Variants in SLC7A8 observed in about 807,000 individuals in gnomAD.
SLC7A8 encodes large neutral amino acids transporter small subunit 2.
In SLC7A8, 30 loss-of-function variants were observed where a neutral mutation model predicts 51.2. The ratio of observed to expected loss-of-function variants is 0.59; its 90% CI spans 0.44 to 0.80. The LOEUF (loss-of-function observed/expected upper bound fraction) is 0.80. Ranked by LOEUF, SLC7A8 falls within the 30% of genes least tolerant of loss-of-function variation. The pLI is 0.00. For missense variants in SLC7A8, 612 were observed against 674.4 expected, an observed-to-expected ratio of 0.91 and a Z score of 1.03; for synonymous variants, 257 against 275.8, an observed-to-expected ratio of 0.93 and a Z score of 0.67.
chr14:23,138,541 G>A, intron 6 of SLC7A8, among the ~76,000 whole-genome samples: 1 of 151,922 alleles, frequency 6.6e-6, no homozygotes, highest in South Asian at 2.1e-4. Flanking sequence ...GTCTCCAACT[G>A]CAAAATAGGG....
At chr14:23,133,432 A>C (rs2048658733) in intron 7 of SLC7A8, among the ~76,000 whole-genome samples, 1 of 134,258 alleles carries the variant, frequency 7.4e-6, no homozygotes, top group African/African-American at 2.8e-5. Flanking sequence ...CAGAGCAAGA[A>C]CCTGTCTCAA....
At chr14:23,140,124 T>A (rs1306073490) in intron 5 of SLC7A8, among the ~76,000 whole-genome samples, 1 of 152,204 alleles carries the variant, frequency 6.6e-6, no homozygotes, top group Non-Finnish European at 1.5e-5. Context: ...AATGCACCTT[T>A]TCCCCCTGCC....
intron 3 of SLC7A8, among the ~76,000 whole-genome samples, chr14:23,148,999 A>G (rs1052944596): frequency 6.6e-6 from 1 of 152,192 alleles, no homozygotes; most frequent in African/African-American, 2.4e-5. Flanking sequence ...CAGGCAACAC[A>G]CACCAGGAGC....
rs530521451 is a variant in SLC7A8, at chr14:23,128,450, A to G, written c.1264-254T>C. ...AGGGAGGAAACGATCCTCCTTGCCC[A>G]TGTCCTCGCTCTTGGGTGTGGTTAG... On this transcript the variant is annotated intron_variant, in intron 9 of 10. Coordinates refer to ENST00000316902, the MANE Select transcript of SLC7A8 (RefSeq NM_012244.4). This position sits in a 1 kb window ranked among gnomAD's most constrained non-coding sequence, Gnocchi z 4.3. The G allele has an allele frequency of 2.1e-4, 263 of 1,279,894 alleles. 6 individuals are homozygous for G. The South Asian group carries it at 3.0e-3, about 15-fold the overall frequency. The allele number at this position is 1,279,894 out of a possible 1,614,324, so 79.3% of individuals were successfully genotyped here.
rs2140345511 is a variant in SLC7A8 at position 23,183,051 on chromosome 14, A to T, written c.-137T>A. On this transcript the variant is annotated 5_prime_UTR_variant, in exon 1 of 11. In the 5' UTR this introduces an upstream ATG that the reference lacks. Transcript: ENST00000316902. ...CCACTGCTACTCTCTAAAAAAGGCA[A>T]GCAGATAAAAGAGAACACGAAAAAT... 1 of 1,004,440 alleles carries T rather than the reference A, an allele frequency of 1.0e-6. No individual in the cohort carries two copies. The highest frequency in any genetic ancestry group is 1.4e-6 in the Non-Finnish European group (1 of 695,114). The allele number at this position is 1,004,440 out of a possible 1,614,324, so 62.2% of individuals were successfully genotyped here. A position where few individuals can be genotyped will look rare whatever the true frequency, so the allele number is the denominator to read the frequency against.
chr14:23,151,338 G>A (rs919304247), intron 3 of SLC7A8, among the ~76,000 whole-genome samples: 1 of 152,208 alleles, frequency 6.6e-6, no homozygotes, highest in Non-Finnish European at 1.5e-5. Flanking sequence ...GCTCTAGGGA[G>A]TAAATATCAG....
At chr14:23,130,667 G>A (rs1200907869) in intron 8 of SLC7A8, among the ~76,000 whole-genome samples, 1 of 152,198 alleles carries the variant, frequency 6.6e-6, no homozygotes, top group Non-Finnish European at 1.5e-5. Flanking sequence ...CAACCAACCA[G>A]TCAAGGTGAC....
intron 3 of SLC7A8, 134 bp from the exon 4 acceptor site, chr14:23,143,338 A>G: frequency 8.1e-7 from 1 of 1,232,580 alleles, no homozygotes; most frequent in South Asian, 1.4e-5. Flanking sequence ...CAGCAAGCTC[A>G]ACCCCAGGGA....
At chr14:23,141,869 T>G (rs969960856) in intron 4 of SLC7A8, among the ~76,000 whole-genome samples, 8 of 152,216 alleles carry the variant, frequency 5.3e-5, no homozygotes, top group Non-Finnish European at 1.0e-4. Context: ...TGGAATCATC[T>G]GCTGACTGGC....
Position 23,145,538 on chromosome 14 carries a change from AAAAAAAAATT to A in SLC7A8, c.509-2344_509-2335del, listed in dbSNP as rs1344942265. On this transcript the variant is annotated intron_variant, in intron 3 of 10. Coordinates refer to ENST00000316902, the MANE Select transcript of SLC7A8 (RefSeq NM_012244.4). ...CTAGACCACATCTCAAAAAAAAAAG[AAAAAAAAATT>A]TTTTTTTTTTTAAGACACCAAGGGC... is the stretch of plus-strand genomic sequence containing the variant. 1.1e-3 allele frequency among the ~76,000 whole-genome samples: 9 copies of A among 7,866 alleles called. 1 individual carries two copies. The highest frequency in any genetic ancestry group is 1.1e-3 in the Non-Finnish European group (4 of 3,662). The allele number at this position is 7,866 out of a possible 152,430, so 5.2% of individuals were successfully genotyped here.
chr14:23,176,366 G>A (rs1407860105), intron 1 of SLC7A8, among the ~76,000 whole-genome samples: 1 of 152,018 alleles, frequency 6.6e-6, no homozygotes, highest in Non-Finnish European at 1.5e-5. Context: ...GGTCTTTCTG[G>A]ACTCCAGTCT....
intron 7 of SLC7A8, among the ~76,000 whole-genome samples, chr14:23,135,658 C>T (rs529958514): frequency 7.4e-4 from 112 of 151,522 alleles, no homozygotes; most frequent in African/African-American, 2.6e-3. Flanking sequence ...GCCAAGATTG[C>T]GCCACTGCAC....
chr14:23,168,843 C>T (rs2048962625), intron 1 of SLC7A8, among the ~76,000 whole-genome samples: 1 of 152,150 alleles, frequency 6.6e-6, no homozygotes, highest in Non-Finnish European at 1.5e-5. Flanking sequence ...TTCCCTTGTT[C>T]TAGGCCACAG....
Position 23,139,457 on chromosome 14 carries a change from G to A in SLC7A8, c.879C>T (p.Pro293=). The A allele has an allele frequency of 1.2e-6, 2 of 1,614,100 alleles. No individual in the cohort carries two copies. Among genetic ancestry groups the A allele is most frequent in the Non-Finnish European group, 1.7e-6 (2 of 1,179,990 alleles). Residue 293 remains proline (P), a synonymous_variant, in exon 6 of 11, where the codon CCC becomes CCT. Transcript: ENST00000316902. ...CGGCGTTGGATGCCAGCAGCTCCTG[G>A]GGGGACATTGCAGTGACATAAGCGA... ...ANVAYVTAMS[P]QELLASNAVA...
intron 7 of SLC7A8, among the ~76,000 whole-genome samples, chr14:23,136,696 C>T (rs940804038): frequency 1.3e-5 from 2 of 152,188 alleles, no homozygotes; most frequent in Admixed American, 6.5e-5. Flanking sequence ...CATGCACACA[C>T]GACTAGACCA....
At chr14:23,156,003 C>CTTT (rs556425559) in intron 3 of SLC7A8, among the ~76,000 whole-genome samples, 67 of 145,448 alleles carry the variant, frequency 4.6e-4, no homozygotes, top group African/African-American at 1.6e-3. Context: ...CTTTTCTTTT[C>CTTT]TTTTTTTTTT....
intron 3 of SLC7A8, among the ~76,000 whole-genome samples, chr14:23,145,250 C>T (rs1339192391): frequency 2.7e-5 from 4 of 150,070 alleles, no homozygotes; most frequent in African/African-American, 4.9e-5. Context: ...TGCTTCTGGC[C>T]GGGCATGGTG....
chr14:23,164,238 C>G (rs2140333927), intron 3 of SLC7A8, among the ~76,000 whole-genome samples: 1 of 152,348 alleles, frequency 6.6e-6, no homozygotes, highest in South Asian at 2.1e-4. Context: ...GGATCATGGA[C>G]AAACCCTTCT....
rs1459250547 is a variant in SLC7A8 at position 23,165,032 on chromosome 14, A to G, written c.508+253T>C. Among the ~76,000 whole-genome samples the G allele has an allele frequency of 6.6e-6, 1 of 151,140 alleles. No individual in the cohort carries two copies. The highest frequency in any genetic ancestry group is 2.1e-4 in the South Asian group (1 of 4,784). ...GAGAGAAGTTAGGAGAGTCAGAGAC[A>G]TGTAGACCTCCAGGGAGGATAAAAG... On this transcript the variant is annotated intron_variant, in intron 3 of 10. Coordinates refer to ENST00000316902, the MANE Select transcript of SLC7A8 (RefSeq NM_012244.4). This position sits in a 1 kb window ranked among gnomAD's most constrained non-coding sequence, Gnocchi z 4.2.
Sources: gnomAD v4.1 joint callset for allele counts (sites outside exome capture counted in the v4.1 genomes callset) on GRCh38, gnomAD v4.1.1 for gene constraint, Gnocchi (gnomAD v3.1) non-coding constraint, MANE v1.5 for transcripts, NCBI Gene and HGNC (gene_info 2026-07-23, HGNC 2026-07-21) for gene names.